Variants in KIF6 observed in about 807,000 individuals in gnomAD.
KIF6 encodes kinesin family member 6.
In KIF6, 106 loss-of-function variants were observed where a neutral mutation model predicts 112.7. The ratio of observed to expected loss-of-function variants is 0.94; its 90% CI spans 0.80 to 1.11. KIF6 has a LOEUF of 1.11. Ranked by LOEUF, KIF6 falls within the 50% of genes least tolerant of loss-of-function variation. The probability of loss-of-function intolerance (pLI) is 0.00; values close to 1 mark genes in which losing one functional copy is unlikely to be tolerated. For missense variants in KIF6, 929 were observed against 964.0 expected (o/e 0.96, Z 0.48); for synonymous variants, 339 against 339.9 (o/e 1.00, Z 0.03).
Position 39,647,651 on chromosome 6 carries a change from A to T in KIF6, c.252-7894T>A, listed in dbSNP as rs1280072808. The stretch of plus-strand genomic sequence containing the variant: ...GGAAGCAGGGCCAAGTAAAGTTCAG[A>T]TGGGTGAAGGATTATGGCTATGTCA... On this transcript the variant is annotated intron_variant, in intron 3 of 22. Coordinates refer to ENST00000287152, the MANE Select transcript of KIF6 (RefSeq NM_145027.6). Among the ~76,000 whole-genome samples, 5 of 151,632 alleles carry T rather than the reference A, an allele frequency of 3.3e-5. No individual in the cohort carries two copies. In the East Asian group the frequency reaches 9.7e-4, roughly 29 times the overall value.
chr6:39,469,414 C>G (rs1216397342), intron 13 of KIF6, among the ~76,000 whole-genome samples: 1 of 151,840 alleles, frequency 6.6e-6, no homozygotes, highest in African/African-American at 2.4e-5. Flanking sequence ...TAACTGTATG[C>G]TATAAAAGAT....
At chr6:39,636,851 T>C (rs1011153880) in intron 4 of KIF6, among the ~76,000 whole-genome samples, 24 of 152,084 alleles carry the variant, frequency 1.6e-4, no homozygotes, top group African/African-American at 5.1e-4. Flanking sequence ...AGTTTGAATA[T>C]TGAAACTCCA....
At chr6:39,629,954 A>ACTGAATTG (rs1421096028) in intron 5 of KIF6, among the ~76,000 whole-genome samples, 6 of 152,018 alleles carry the variant, frequency 3.9e-5, no homozygotes, top group Admixed American at 3.9e-4. Context: ...CCCCCTTTCC[A>ACTGAATTG]CTGAATTGCC....
chr6:39,346,076 CTCTCTCTCT>C (rs1763711841), intron 20 of KIF6, among the ~76,000 whole-genome samples: 1 of 22,202 alleles, frequency 4.5e-5, no homozygotes, highest in Non-Finnish European at 8.0e-5. Context: ...CTCTCTCTCT[CTCTCTCTCT>C]CCCCCCCCTC....
In KIF6 at chr6:39,346,085, T is replaced by TCTCTCTCTCTCTCTCTCTCTCTCTC; in HGVS notation, c.2232-297_2232-296insGAGAGAGAGAGAGAGAGAGAGAGAG. On this transcript the variant is annotated intron_variant, in intron 20 of 22. Coordinates refer to ENST00000287152, the MANE Select transcript of KIF6 (RefSeq NM_145027.6). Reference sequence around the variant, plus strand: ...CTCTCTCTCTCTCTCTCTCTCTCTCTCCCCCCCCTCTCCCTCCCCCCCTCC... The same window carrying TCTCTCTCTCTCTCTCTCTCTCTCTC: ...CTCTCTCTCTCTCTCTCTCTCTCTCTCTCTCTCTCTCTCTCTCTCTCTCTCCCCCCCCCTCTCCCTCCCCCCCTCC... Among the ~76,000 whole-genome samples the TCTCTCTCTCTCTCTCTCTCTCTCTC allele has an allele frequency of 9.3e-5, 2 of 21,598 alleles. 1 individual carries two copies. Among genetic ancestry groups the TCTCTCTCTCTCTCTCTCTCTCTCTC allele is most frequent in the Non-Finnish European group, 1.6e-4 (2 of 12,474 alleles). The allele number at this position is 21,598 out of a possible 152,430, so 14.2% of individuals were successfully genotyped here. A position where few individuals can be genotyped will look rare whatever the true frequency, so the allele number is the denominator to read the frequency against.
At chr6:39,351,573 C>T (rs1014860585) in intron 19 of KIF6, among the ~76,000 whole-genome samples, 22 of 151,624 alleles carry the variant, frequency 1.5e-4, no homozygotes, top group Admixed American at 6.6e-5. Flanking sequence ...GTATTTCTAC[C>T]TTGCATCTGT....
intron 13 of KIF6, among the ~76,000 whole-genome samples, chr6:39,446,266 T>G (rs1488286345): frequency 6.6e-6 from 1 of 152,198 alleles, no homozygotes; most frequent in Non-Finnish European, 1.5e-5. Flanking sequence ...GGGCAGTACC[T>G]TGTGCATCTC....
At chr6:39,644,866 C>T (rs1401893676) in intron 3 of KIF6, among the ~76,000 whole-genome samples, 1 of 152,182 alleles carries the variant, frequency 6.6e-6, no homozygotes, top group Non-Finnish European at 1.5e-5. Flanking sequence ...AAAGAAGAGT[C>T]TATACTCACT....
intron 3 of KIF6, among the ~76,000 whole-genome samples, chr6:39,669,588 A>C (rs1786681857): frequency 6.6e-6 from 1 of 152,206 alleles, no homozygotes; most frequent in Non-Finnish European, 1.5e-5. Context: ...TAAAAGCTTT[A>C]ATTGTAATAA....
In KIF6 at chr6:39,331,725, TTCTCTG is replaced by T. The variant is rs1762743858; in HGVS notation, c.*4801_*4806del. On this transcript the variant is annotated 3_prime_UTR_variant, in exon 23 of 23. Transcript: ENST00000287152. Reference sequence around the variant, plus strand: ...AGAAGGTTCCAAGAATGCTGGCACTTTCTCTGTCTCTGTCACCTCTGACTCCTCAGA... The same window carrying T: ...AGAAGGTTCCAAGAATGCTGGCACTTTCTCTGTCACCTCTGACTCCTCAGA... 1 of 152,324 alleles carries T rather than the reference TTCTCTG, an allele frequency of 6.6e-6. No individual in the cohort carries two copies. 9.4% of individuals were successfully genotyped at this position (152,324 alleles called of 1,614,324 possible). A position where few individuals can be genotyped will look rare whatever the true frequency, so the allele number is the denominator to read the frequency against.
intron 7 of KIF6, among the ~76,000 whole-genome samples, chr6:39,589,205 G>A (rs1216136506): frequency 6.6e-6 from 1 of 152,154 alleles, no homozygotes; most frequent in Non-Finnish European, 1.5e-5. Flanking sequence ...ACAGCATACA[G>A]CTTTCTGCTT....
intron 8 of KIF6, among the ~76,000 whole-genome samples, 175 bp from the exon 9 acceptor site, chr6:39,585,159 C>G (rs1018906526): frequency 1.3e-5 from 2 of 152,008 alleles, no homozygotes; most frequent in African/African-American, 4.8e-5. Context: ...GAACAACAGT[C>G]CCCAACCTTT....
At chr6:39,423,616 C>T (rs73732109) in intron 14 of KIF6, among the ~76,000 whole-genome samples, 3,430 of 152,128 alleles carry the variant, frequency 0.023, 127 homozygotes, top group African/African-American at 0.079. Context: ...TAACTAAAAT[C>T]GACTGTACCC....
chr6:39,636,411 C>T (rs544077118), intron 4 of KIF6, among the ~76,000 whole-genome samples: 1 of 151,952 alleles, frequency 6.6e-6, no homozygotes, highest in Non-Finnish European at 1.5e-5. Context: ...CAGCGTAATG[C>T]TGAAAATTCT....
At chr6:39,346,082 CTCT>C (rs1763721653) in intron 20 of KIF6, among the ~76,000 whole-genome samples, 6 of 19,952 alleles carry the variant, frequency 3.0e-4, no homozygotes, top group African/African-American at 9.9e-4. Flanking sequence ...CTCTCTCTCT[CTCT>C]CCCCCCCCTC....
intron 19 of KIF6, chr6:39,353,988 T>C: frequency 2.3e-6 from 1 of 436,266 alleles, no homozygotes; most frequent in Non-Finnish European, 4.4e-6. Flanking sequence ...GCATGGCCTC[T>C]GTTTTCACAT....
At chr6:39,469,181 A>T (rs527658864) in intron 13 of KIF6, among the ~76,000 whole-genome samples, 1 of 152,146 alleles carries the variant, frequency 6.6e-6, no homozygotes, top group Non-Finnish European at 1.5e-5. Flanking sequence ...CAAAATAAAC[A>T]ATAAAAAATC....
chr6:39,637,578 T>A (rs903236156), intron 4 of KIF6, among the ~76,000 whole-genome samples: 3 of 152,016 alleles, frequency 2.0e-5, no homozygotes, highest in Admixed American at 6.6e-5. Context: ...GCTCTTACTG[T>A]ATCTTGAAAT....
At chr6:39,462,375 T>C (rs895041545) in intron 13 of KIF6, among the ~76,000 whole-genome samples, 1 of 152,152 alleles carries the variant, frequency 6.6e-6, no homozygotes, top group Non-Finnish European at 1.5e-5. Context: ...GCAAAGTTAG[T>C]ACACTAAGAA....
Sources: gnomAD v4.1 joint callset for allele counts (sites outside exome capture counted in the v4.1 genomes callset) on GRCh38, gnomAD v4.1.1 for gene constraint, MANE v1.5 for transcripts, NCBI Gene and HGNC (gene_info 2026-07-23, HGNC 2026-07-21) for gene names.